Variants in CAPN9 observed in about 807,000 individuals in gnomAD.
The protein encoded by CAPN9 is calpain 9.
CAPN9 carries 81 observed loss-of-function variants against 92.8 expected under a neutral mutation model. The observed-to-expected ratio is 0.87, with a 90% CI of 0.73 to 1.05. The LOEUF (loss-of-function observed/expected upper bound fraction) is 1.05. CAPN9 is among the 50% of genes least tolerant of loss of function. The pLI is 0.00. For missense variants in CAPN9, 848 were observed against 866.2 expected (o/e 0.98, Z 0.26); for synonymous variants, 304 against 328.0 (o/e 0.93, Z 0.79).
Position 230,767,525 on chromosome 1 carries a change from C to T in CAPN9, c.537-16C>T, listed in dbSNP as rs115285515. 283 of 1,598,406 alleles carry T rather than the reference C, an allele frequency of 1.8e-4. 3 individuals are homozygous for T. The African/African-American group carries it at 3.5e-3, about 20-fold the overall frequency. ...AGGTCCCTGACTCTCTCCTCTCTCT[C>T]TTGCCACCCTTGCAGGCTAAATGGG... On this transcript the variant is annotated splice_polypyrimidine_tract_variant and intron_variant, in intron 4 of 19. Transcript: ENST00000271971.
chr1:230,775,916 C>CA (rs34406575), intron 8 of CAPN9, among the ~76,000 whole-genome samples: 2,484 of 110,498 alleles, frequency 0.022, 46 homozygotes, highest in African/African-American at 0.06. Flanking sequence ...TACTCCATCT[C>CA]AAAAAAAAAA....
At chr1:230,799,448 G>A (rs937370401) in intron 19 of CAPN9, among the ~76,000 whole-genome samples, 1 of 152,126 alleles carries the variant, frequency 6.6e-6, no homozygotes, top group African/African-American at 2.4e-5. Context: ...CAGATCCCTG[G>A]ACGCATTATT....
chr1:230,786,815 A>G (rs1464136322), intron 12 of CAPN9, among the ~76,000 whole-genome samples: 1 of 152,146 alleles, frequency 6.6e-6, no homozygotes, highest in Non-Finnish European at 1.5e-5. Flanking sequence ...AGGCAGGGAG[A>G]TGTTTTTTAC....
chr1:230,751,673 AAG>A (rs759631275), intron 1 of CAPN9, among the ~76,000 whole-genome samples: 1 of 44,640 alleles, frequency 2.2e-5, no homozygotes, highest in East Asian at 5.0e-4. Flanking sequence ...GAAAGAAAGA[AAG>A]AAAGAAAGAA....
In CAPN9 at chr1:230,801,601, G is replaced by T. The variant is rs970111484; in HGVS notation, c.*5G>T. 6.2e-7 allele frequency: 1 copy of T among 1,613,692 alleles called. No individual in the cohort carries two copies. Among genetic ancestry groups the T allele is most frequent in the Non-Finnish European group, 8.5e-7 (1 of 1,179,614 alleles). ...CATTTGACAATGAACATCTGAGGCTGCCTTGTAGAGATGCAGCCTGCCCAG... is the reference window on the plus strand; with the variant it reads ...CATTTGACAATGAACATCTGAGGCTTCCTTGTAGAGATGCAGCCTGCCCAG... On this transcript the variant is annotated 3_prime_UTR_variant, in exon 20 of 20. Coordinates refer to ENST00000271971, the MANE Select transcript of CAPN9 (RefSeq NM_006615.3).
chr1:230,779,189 G>A (rs747037534), intron 9 of CAPN9, 56 bp downstream of exon 9: 11 of 1,538,604 alleles, frequency 7.1e-6, no homozygotes, highest in Admixed American at 3.4e-5. Context: ...TTCCAACTCA[G>A]GACACCAAAG....
chr1:230,759,607 T>G lies in CAPN9; in HGVS notation c.379T>G (p.Tyr127Asp). ...IPQDQSFGPG[Y>D]AGIFHFQFWQ... is the part of the protein sequence containing the mutation. ...CCAGGACCAAAGCTTTGGCCCTGGT[T>G]ATGCCGGGATATTCCATTTCCAGGT... Residue 127 changes from tyrosine (Y) to aspartate (D), a missense_variant, in exon 3 of 20, where the codon TAT becomes GAT. Coordinates refer to ENST00000271971, the MANE Select transcript of CAPN9 (RefSeq NM_006615.3). 6.2e-7 allele frequency: 1 copy of G among 1,604,436 alleles called. No individual in the cohort carries two copies.
chr1:230,780,658 G>C lies in CAPN9; in HGVS notation c.1431G>C (p.Gln477His), dbSNP rs1362541277. 1 of 1,614,096 alleles carries C rather than the reference G, an allele frequency of 6.2e-7. No homozygotes were observed. The highest frequency in any genetic ancestry group is 8.5e-7 in the Non-Finnish European group (1 of 1,180,012). ...ILIPSTFEPH[Q>H]EADFCLRIFS... ...TTCCCAGCACTTTTGAGCCCCACCA[G>C]GAAGCTGATTTCTGTCTGAGAATCT... Residue 477 changes from glutamine (Q) to histidine (H), a missense_variant, in exon 11 of 20, where the codon CAG becomes CAC. By Grantham distance (24) the Gln-to-His change is conservative (BLOSUM62 0). Transcript: ENST00000271971.
chr1:230,791,808 G>T, intron 14 of CAPN9, 56 bp from the exon 15 acceptor site: 2 of 1,395,070 alleles, frequency 1.4e-6, no homozygotes, highest in Middle Eastern at 1.8e-4. Context: ...CAGCAGATGG[G>T]TACATAGGTT....
At chr1:230,766,610 G>A (rs1377550328) in intron 4 of CAPN9, among the ~76,000 whole-genome samples, 1 of 152,200 alleles carries the variant, frequency 6.6e-6, no homozygotes, top group African/African-American at 2.4e-5. Context: ...GTGGGGTCCT[G>A]GGTGGGATTC....
chr1:230,788,868 G>A (rs1456439900), intron 13 of CAPN9, among the ~76,000 whole-genome samples: 1 of 152,184 alleles, frequency 6.6e-6, no homozygotes, highest in African/African-American at 2.4e-5. Flanking sequence ...TTGTCAGATG[G>A]AGATCCAGAG....
intron 8 of CAPN9, 104 bp downstream of exon 8, chr1:230,774,735 CTTTCTTTTTTT>C: frequency 6.0e-5 from 35 of 588,056 alleles, no homozygotes; most frequent in Middle Eastern, 4.3e-4. Context: ...TTCTTTCTTT[CTTTCTTTTTTT>C]TTTTTTTTTT....
chr1:230,783,203 T>C (rs11122600), intron 11 of CAPN9, among the ~76,000 whole-genome samples: 33,204 of 152,158 alleles, frequency 0.22, 3,901 homozygotes, highest in African/African-American at 0.31. Context: ...TTGGAGGTGC[T>C]GCTATTCTAC....
At chr1:230,780,389 G>A (rs935056979) in intron 10 of CAPN9, 53 bp downstream of exon 10, 15 of 1,603,682 alleles carry the variant, frequency 9.4e-6, no homozygotes, top group Admixed American at 3.4e-5. Context: ...TTCTAAATTC[G>A]CGGCTCCTCC....
chr1:230,777,166 C>T lies in CAPN9; in HGVS notation c.954-1807C>T, dbSNP rs560090128. ...GTAGAAACCAGAGTTTGAGAGGCTACCTGAGGTCAGGCTAGTGGAAAGAAG... is the reference window on the plus strand; with the variant it reads ...GTAGAAACCAGAGTTTGAGAGGCTATCTGAGGTCAGGCTAGTGGAAAGAAG... On this transcript the variant is annotated intron_variant, in intron 8 of 19. Coordinates refer to ENST00000271971, the MANE Select transcript of CAPN9 (RefSeq NM_006615.3). Among the ~76,000 whole-genome samples, 13 of 152,242 alleles carry T rather than the reference C, an allele frequency of 8.5e-5. No individual in the cohort carries two copies. The South Asian group carries it at 2.7e-3, about 32-fold the overall frequency.
chr1:230,786,714 C>A (rs1667612053), intron 12 of CAPN9, among the ~76,000 whole-genome samples: 1 of 152,192 alleles, frequency 6.6e-6, no homozygotes, highest in Admixed American at 6.5e-5. Context: ...TTCACACTAC[C>A]AACTCCACCT....
intron 19 of CAPN9, among the ~76,000 whole-genome samples, chr1:230,801,315 C>T (rs1305647998): frequency 1.3e-5 from 2 of 152,154 alleles, no homozygotes; most frequent in Admixed American, 1.3e-4. Flanking sequence ...CACATTTTCC[C>T]GTCTCTGTCT....
In CAPN9 at chr1:230,747,501, C is replaced by T. The variant is rs1361599257; in HGVS notation, c.5C>T (p.Pro2Leu). 3 of 1,613,878 alleles carry T rather than the reference C, an allele frequency of 1.9e-6. No individual in the cohort carries two copies. Among genetic ancestry groups the T allele is most frequent in the Non-Finnish European group, 8.5e-7 (1 of 1,179,970 alleles). The stretch of plus-strand genomic sequence containing the variant: ...CCAGCCTTCCAGGGAGCAGCCATGC[C>T]TTACCTCTACCGGGCCCCAGGGCCT... Reference protein sequence around the residue: MPYLYRAPGPQA... With the variant: MLYLYRAPGPQA... Residue 2 changes from proline (P) to leucine (L), a missense_variant, in exon 1 of 20, where the codon CCT becomes CTT. Pro to Leu is a moderately conservative substitution (Grantham distance 98). Transcript: ENST00000271971.
In CAPN9 at chr1:230,779,147, C is replaced by G; in HGVS notation, c.1114+14C>G. 6.2e-7 allele frequency: 1 copy of G among 1,610,982 alleles called. No individual in the cohort carries two copies. Among genetic ancestry groups the G allele is most frequent in the Non-Finnish European group, 8.5e-7 (1 of 1,179,182 alleles). On this transcript the variant is annotated intron_variant, in intron 9 of 19. Transcript: ENST00000271971. Reference sequence around the variant, plus strand: ...GCAATTTCCTGGGTAGGTAGGCTGCCTGTCACTCTCTCTGCCACTCCCAAG... The same window carrying G: ...GCAATTTCCTGGGTAGGTAGGCTGCGTGTCACTCTCTCTGCCACTCCCAAG...
Sources: gnomAD v4.1 joint callset for allele counts (sites outside exome capture counted in the v4.1 genomes callset) on GRCh38, gnomAD v4.1.1 for gene constraint, MANE v1.5 for transcripts, NCBI Gene and HGNC (gene_info 2026-07-23, HGNC 2026-07-21) for gene names.